The following TTYH3 variants were observed in gnomAD, a reference collection of about 807,000 sequenced individuals.
TTYH3 encodes the protein tweety family member 3.
Under a neutral mutation model 68.2 loss-of-function variants are expected in TTYH3, and 23 were observed. That is an observed-to-expected ratio of 0.34 (90% CI 0.24 to 0.48). The LOEUF (loss-of-function observed/expected upper bound fraction) is 0.48, where lower values mean the gene tolerates loss of function less well. Ranked by LOEUF, TTYH3 falls within the 20% of genes least tolerant of loss-of-function variation. The pLI is 0.99. For synonymous variants in TTYH3, 360 were observed against 332.8 expected, an observed-to-expected ratio of 1.08 and a Z score of -0.89; for missense variants, 768 against 727.7, an observed-to-expected ratio of 1.06 and a Z score of -0.64.
chr7:2,641,113 C>T (rs947902082), intron 1 of TTYH3, among the ~76,000 whole-genome samples: 4 of 152,202 alleles, frequency 2.6e-5, no homozygotes, highest in Non-Finnish European at 5.9e-5. Context: ...ACACCCCAGC[C>T]CTGCCCGCTC....
In TTYH3 at chr7:2,656,461, C is replaced by G; in HGVS notation, c.1177C>G (p.Leu393Val). 6.2e-7 allele frequency: 1 copy of G among 1,612,288 alleles called. No individual in the cohort carries two copies. The highest frequency in any genetic ancestry group is 1.7e-4 in the Middle Eastern group (1 of 6,058). The change falls in exon 11 of 14, where the codon CTC (leucine) becomes GTC (valine). Residue 393 changes from leucine (L) to valine (V), a missense_variant. Coordinates refer to ENST00000258796, the MANE Select transcript of TTYH3 (RefSeq NM_025250.3). ...DGVEGLIYLA[L>V]FSFVTALMFS... Reference sequence around the variant, plus strand: ...CGTGGAGGGCCTCATCTACCTGGCCCTCTTCTCCTTCGTCACAGCCCTCAT... The same window carrying G: ...CGTGGAGGGCCTCATCTACCTGGCCGTCTTCTCCTTCGTCACAGCCCTCAT...
At position 2,646,953 on chromosome 7, in the gene TTYH3, G is replaced by C; in HGVS notation, c.224G>C (p.Ser75Thr). Reference sequence around the variant, plus strand: ...TGGCTGTGCTGCCGGCGGCGCAAGAGCGAGGAGCACCTGGACGCCGACTGC... The same window carrying C: ...TGGCTGTGCTGCCGGCGGCGCAAGACCGAGGAGCACCTGGACGCCGACTGC... ...SFWLCCRRRK[S>T]EEHLDADCCC... Residue 75 changes from serine (S) to threonine (T), a missense_variant, in exon 2 of 14, where the codon AGC (serine) becomes ACC (threonine). Ser to Thr is a moderately conservative substitution (Grantham distance 58, BLOSUM62 1). Transcript: ENST00000258796. 1.9e-6 allele frequency: 3 copies of C among 1,600,310 alleles called. No individual in the cohort carries two copies. Among genetic ancestry groups the C allele is most frequent in the Non-Finnish European group, 1.7e-6 (2 of 1,178,130 alleles).
chr7:2,641,000 T>C (rs1785826856), intron 1 of TTYH3, among the ~76,000 whole-genome samples: 2 of 152,132 alleles, frequency 1.3e-5, no homozygotes, highest in African/African-American at 4.8e-5. Flanking sequence ...CTGGAGGAGA[T>C]GGCCTGTGTA....
chr7:2,642,588 C>T (rs1183032193), intron 1 of TTYH3, among the ~76,000 whole-genome samples: 7 of 148,348 alleles, frequency 4.7e-5, no homozygotes, highest in African/African-American at 1.2e-4. Context: ...ATTAGCCAGG[C>T]GTGGTGATAT....
In TTYH3 at chr7:2,664,345, G is replaced by A. The variant is rs4721928; in HGVS notation, c.*2606G>A. ...GCCCCAGCCCTGAGAGGGGTGGTGA[G>A]GCAGCCCCCTGGACCCCAGAACCCC... On this transcript the variant is annotated 3_prime_UTR_variant, in exon 14 of 14. Coordinates refer to ENST00000258796, the MANE Select transcript of TTYH3 (RefSeq NM_025250.3). The A allele has an allele frequency of 0.15, 22,963 of 152,626 alleles. 1,774 individuals are homozygous for A. Among genetic ancestry groups the A allele is most frequent in the Middle Eastern group, 0.2 (60 of 294 alleles). The allele number at this position is 152,626 out of a possible 1,614,324, so 9.5% of individuals were successfully genotyped here. A position where few individuals can be genotyped will look rare whatever the true frequency, so the allele number is the denominator to read the frequency against.
chr7:2,652,872 G>T, intron 8 of TTYH3, 46 bp from the exon 9 acceptor site: 2 of 1,469,234 alleles, frequency 1.4e-6, no homozygotes, highest in Non-Finnish European at 1.8e-6. Flanking sequence ...GGGAGAGGCG[G>T]GCGGACCCAG....
chr7:2,644,686 G>C (rs1357918075), intron 1 of TTYH3, among the ~76,000 whole-genome samples: 1 of 152,204 alleles, frequency 6.6e-6, no homozygotes, highest in African/African-American at 2.4e-5. Context: ...ATGCTCTGCA[G>C]TGCCCAGATT....
In TTYH3 at chr7:2,649,637, G is replaced by T. The variant is rs1384705562; in HGVS notation, c.793G>T (p.Val265Leu). 3.8e-6 allele frequency: 6 copies of T among 1,597,992 alleles called. No individual in the cohort carries two copies. The highest frequency in any genetic ancestry group is 4.2e-6 in the Non-Finnish European group (5 of 1,176,714). The change falls in exon 6 of 14, where the codon GTG becomes TTG. Residue 265 changes from valine to leucine, a missense_variant and splice_region_variant. Val to Leu is a conservative substitution (Grantham distance 32). Coordinates refer to ENST00000258796, the MANE Select transcript of TTYH3 (RefSeq NM_025250.3). The part of the protein sequence containing the change: ...GALGLELAVS[V>L]GSSDFCVDPD... ...GCTGGGCTTGGAGCTGGCTGTGTCC[G>T]TGGTGAGTGGCAGAGGGGGTGAGGT... is the stretch of plus-strand genomic sequence containing the variant.
rs953586764 is a variant in TTYH3, at chr7:2,647,589, G to T, written c.577G>T (p.Val193Leu). 2.0e-5 allele frequency: 32 copies of T among 1,574,762 alleles called. No individual in the cohort carries two copies. The highest frequency in any genetic ancestry group is 2.5e-5 in the Non-Finnish European group (29 of 1,161,242). Residue 193 changes from valine to leucine, a missense_variant, in exon 4 of 14, where the codon GTG becomes TTG. By Grantham distance (32) the Val-to-Leu change is conservative. Coordinates refer to ENST00000258796, the MANE Select transcript of TTYH3 (RefSeq NM_025250.3). ...CATCCCCTTTTGGAGGAACACGGCG[G>T]TGTCGCTGGAGGTGCTGGCGGAGCA... ...AAIPFWRNTA[V>L]SLEVLAEQVD...
intron 9 of TTYH3, among the ~76,000 whole-genome samples, chr7:2,654,926 A>G (rs1786292051): frequency 6.6e-6 from 1 of 151,012 alleles, no homozygotes; most frequent in South Asian, 2.1e-4. Context: ...AGGCGCCTGC[A>G]GCGCACCCAG....
intron 1 of TTYH3, among the ~76,000 whole-genome samples, chr7:2,639,945 G>T (rs1443147945): frequency 6.6e-6 from 1 of 152,142 alleles, no homozygotes; most frequent in Non-Finnish European, 1.5e-5. Context: ...GGGCTCGCTG[G>T]TCTCTCCCAA....
rs1786120248 is a variant in TTYH3, at chr7:2,649,945, C to G, written c.828C>G (p.Ala276=). 1.9e-6 allele frequency: 3 copies of G among 1,614,018 alleles called. No individual in the cohort carries two copies. Among genetic ancestry groups the G allele is most frequent in the Admixed American group, 3.3e-5 (2 of 60,004 alleles). The change falls in exon 7 of 14, where the codon GCC becomes GCG. Residue 276 remains alanine (A), a synonymous_variant. Transcript: ENST00000258796. Reference sequence around the variant, plus strand: ...GCGACTTCTGTGTGGACCCTGACGCCTACGTGACCAAAATGGTGGAGGAGT... The same window carrying G: ...GCGACTTCTGTGTGGACCCTGACGCGTACGTGACCAAAATGGTGGAGGAGT... ...GSSDFCVDPD[A]YVTKMVEEYS... is the part of the protein sequence containing the mutation.
At position 2,647,673 on chromosome 7, in the gene TTYH3, T is replaced by C. The variant is rs1246102253; in HGVS notation, c.626+35T>C. The C allele has an allele frequency of 2.0e-6, 3 of 1,532,698 alleles. No homozygotes were observed. The African/African-American group carries it at 4.1e-5, about 21-fold the overall frequency. 94.9% of individuals were successfully genotyped at this position (1,532,698 alleles called of 1,614,324 possible). A position where few individuals can be genotyped will look rare whatever the true frequency, so the allele number is the denominator to read the frequency against. On this transcript the variant is annotated intron_variant, in intron 4 of 13. Transcript: ENST00000258796. ...GGCCCTCTTCCCTGCCCGCCCCACGTGGGAAAGCATCACCCTCCTTGGGCC... is the reference window on the plus strand; with the variant it reads ...GGCCCTCTTCCCTGCCCGCCCCACGCGGGAAAGCATCACCCTCCTTGGGCC...
In TTYH3 at chr7:2,649,964, G is replaced by T. The variant is rs1410148077; in HGVS notation, c.847G>T (p.Glu283Ter). The T allele has an allele frequency of 1.2e-6, 2 of 1,614,060 alleles. No individual in the cohort carries two copies. The highest frequency in any genetic ancestry group is 8.5e-7 in the Non-Finnish European group (1 of 1,179,970). Residue 283 changes from glutamate to a stop codon, truncating the protein, a stop_gained, in exon 7 of 14, where the codon GAG becomes TAG. Transcript: ENST00000258796. LOFTEE classifies it high-confidence loss of function. ...DPDAYVTKMVEEYSVLSGDIL... is the reference protein window; with the variant it reads ...DPDAYVTKMV ...TGACGCCTACGTGACCAAAATGGTG[G>T]AGGAGTACTCGGTGCTGAGTGGGGG...
At chr7:2,647,763 A>G in intron 4 of TTYH3, 125 bp downstream of exon 4, 1 of 1,157,064 alleles carries the variant, frequency 8.6e-7, no homozygotes, top group Non-Finnish European at 1.2e-6. Flanking sequence ...GGGCCACTGG[A>G]GGTCACAGGC....
chr7:2,647,375 A>C, intron 3 of TTYH3, 43 bp from the exon 4 acceptor site: 1 of 1,461,900 alleles, frequency 6.8e-7, no homozygotes, highest in Non-Finnish European at 9.0e-7. Flanking sequence ...CTCTGGGGCG[A>C]GGCGGGCGCG....
intron 7 of TTYH3, 114 bp from the exon 8 acceptor site, chr7:2,652,073 A>G (rs1003921686): frequency 1.4e-5 from 12 of 864,078 alleles, no homozygotes; most frequent in African/African-American, 1.2e-4. Flanking sequence ...ACATGCACAC[A>G]TGTAAACATG....
intron 7 of TTYH3, among the ~76,000 whole-genome samples, chr7:2,650,962 T>C (rs1221092041): frequency 6.7e-6 from 1 of 149,902 alleles, no homozygotes; most frequent in Non-Finnish European, 1.5e-5. Flanking sequence ...TTGGCGTCCC[T>C]GGTTTCAGCA....
At chr7:2,650,251 A>C (rs1326713066) in intron 7 of TTYH3, among the ~76,000 whole-genome samples, 1 of 152,214 alleles carries the variant, frequency 6.6e-6, no homozygotes, top group Non-Finnish European at 1.5e-5. Flanking sequence ...CTTCGAGTAG[A>C]TGCCCAGGGG....
Sources: gnomAD v4.1 joint callset for allele counts (sites outside exome capture counted in the v4.1 genomes callset) on GRCh38, gnomAD v4.1.1 for gene constraint, MANE v1.5 for transcripts, NCBI Gene and HGNC (gene_info 2026-07-23, HGNC 2026-07-21) for gene names.